MYO1E: variants seen among roughly 807,000 people sequenced by gnomAD.
The protein encoded by MYO1E is unconventional myosin-Ie.
Under a neutral mutation model 151.1 loss-of-function variants are expected in MYO1E, and 68 were observed. The observed-to-expected ratio is 0.45, with a 90% CI of 0.37 to 0.55. MYO1E has a LOEUF of 0.55. Ranked by LOEUF, MYO1E falls within the 20% of genes least tolerant of loss-of-function variation. The pLI is 0.00. For synonymous variants in MYO1E, 601 were observed against 501.7 expected (o/e 1.20, Z -2.64); for missense variants, 1,363 against 1,389.3 (o/e 0.98, Z 0.30).
At chr15:59,228,045 G>A (rs2080002680) in intron 6 of MYO1E, among the ~76,000 whole-genome samples, 1 of 152,162 alleles carries the variant, frequency 6.6e-6, no homozygotes, top group Admixed American at 6.5e-5. Context: ...TTTATTAAAA[G>A]TAAAGTTCTT....
At chr15:59,204,838 C>T (rs770081997) in intron 15 of MYO1E, among the ~76,000 whole-genome samples, 1 of 152,170 alleles carries the variant, frequency 6.6e-6, no homozygotes, top group Non-Finnish European at 1.5e-5. Flanking sequence ...TGAAGAAGAG[C>T]TCAGGGGCAA....
chr15:59,198,598 T>C (rs530614335), intron 16 of MYO1E, among the ~76,000 whole-genome samples: 114 of 152,120 alleles, frequency 7.5e-4, no homozygotes, highest in Non-Finnish European at 1.4e-3. Context: ...GGCGGATCAA[T>C]TGAAGTCAGG....
At chr15:59,346,392 GA>G (rs1255818639) in intron 1 of MYO1E, among the ~76,000 whole-genome samples, 10 of 152,248 alleles carry the variant, frequency 6.6e-5, no homozygotes, top group African/African-American at 2.4e-4. Flanking sequence ...GACACTTGAG[GA>G]GAACCTGTTT....
chr15:59,160,056 A>C (rs1209997915), intron 24 of MYO1E, among the ~76,000 whole-genome samples: 4 of 152,096 alleles, frequency 2.6e-5, no homozygotes, highest in Non-Finnish European at 5.9e-5. Flanking sequence ...GGCTGGTCTC[A>C]AACTCCTGAC....
Position 59,157,393 on chromosome 15 carries a change from G to A in MYO1E, c.2878+894C>T, listed in dbSNP as rs115616860. On this transcript the variant is annotated intron_variant, in intron 25 of 27. Coordinates refer to ENST00000288235, the MANE Select transcript of MYO1E (RefSeq NM_004998.4). ...TTAAGCTGCTATAACTTACAAAATAGTAGCCCCCTCCCCTCCTTATCCATG... is the reference window on the plus strand; with the variant it reads ...TTAAGCTGCTATAACTTACAAAATAATAGCCCCCTCCCCTCCTTATCCATG... 8.3e-3 allele frequency among the ~76,000 whole-genome samples: 1,262 copies of A among 152,160 alleles called. 21 individuals carry two copies. Among genetic ancestry groups the A allele is most frequent in the African/African-American group, 0.029 (1,205 of 41,494 alleles).
chr15:59,353,539 C>T (rs2080836680), intron 1 of MYO1E, among the ~76,000 whole-genome samples: 2 of 151,530 alleles, frequency 1.3e-5, no homozygotes, highest in African/African-American at 4.8e-5. Flanking sequence ...GGTGGATTAC[C>T]TGAGGTCAGG....
rs1160411970 is a variant in MYO1E, at chr15:59,136,377, CTTTA to C, written c.*999_*1002del. 2.4e-5 allele frequency: 4 copies of C among 168,934 alleles called. No individual in the cohort carries two copies. Among genetic ancestry groups the C allele is most frequent in the Non-Finnish European group, 5.2e-5 (4 of 76,972 alleles). 10.5% of individuals were successfully genotyped at this position (168,934 alleles called of 1,614,324 possible). A position where few individuals can be genotyped will look rare whatever the true frequency, so the allele number is the denominator to read the frequency against. On this transcript the variant is annotated 3_prime_UTR_variant, in exon 28 of 28. Transcript: ENST00000288235. ...AAAAGAAGAAGGTGTTCGCCGATTC[CTTTA>C]TTTATTTAGGAGGTGGGGGCAGGAC...
At chr15:59,236,411 CACACACACAA>C (rs1483316841) in intron 5 of MYO1E, among the ~76,000 whole-genome samples, 164 bp downstream of exon 5, 28 of 140,398 alleles carry the variant, frequency 2.0e-4, no homozygotes, top group African/African-American at 4.2e-4. Context: ...CACACACACA[CACACACACAA>C]ACACACATAC....
chr15:59,268,720 A>ATTGTTTTTTTTTTTTTTTTTTTTT (rs2080271323), intron 2 of MYO1E, among the ~76,000 whole-genome samples: 4 of 44,906 alleles, frequency 8.9e-5, no homozygotes, highest in Non-Finnish European at 2.0e-4. Context: ...TGACTTTGGT[A>ATTGTTTTTTTTTTTTTTTTTTTTT]TTTTTTTTTT....
At chr15:59,266,262 G>C (rs561832308) in intron 2 of MYO1E, among the ~76,000 whole-genome samples, 50 of 152,110 alleles carry the variant, frequency 3.3e-4, no homozygotes, top group African/African-American at 1.2e-3. Context: ...AAAGCCGTTC[G>C]GATCATTGTC....
chr15:59,356,005 C>T (rs954866096), intron 1 of MYO1E, among the ~76,000 whole-genome samples: 1 of 152,200 alleles, frequency 6.6e-6, no homozygotes, highest in Non-Finnish European at 1.5e-5. Context: ...AAGTGTGAGC[C>T]ACCACGCTCA....
chr15:59,243,328 G>GAAAAAT (rs2080111163), intron 4 of MYO1E, among the ~76,000 whole-genome samples: 1 of 152,102 alleles, frequency 6.6e-6, no homozygotes, highest in Non-Finnish European at 1.5e-5. Flanking sequence ...CTGAAATATT[G>GAAAAAT]TGGCTATGAT....
chr15:59,268,720 A>ATTGTTTTTTTTTTTTTTTTTTTTTT (rs2080271323), intron 2 of MYO1E, among the ~76,000 whole-genome samples: 2 of 44,906 alleles, frequency 4.5e-5, no homozygotes, highest in Non-Finnish European at 9.8e-5. Flanking sequence ...TGACTTTGGT[A>ATTGTTTTTTTTTTTTTTTTTTTTTT]TTTTTTTTTT....
chr15:59,180,942 G>A (rs542518384), intron 18 of MYO1E, among the ~76,000 whole-genome samples: 25 of 152,292 alleles, frequency 1.6e-4, no homozygotes, highest in South Asian at 1.0e-3. Context: ...CTTTGTGCCA[G>A]CTCCTCTTTC....
At chr15:59,250,561 T>C (rs1385397615) in intron 4 of MYO1E, among the ~76,000 whole-genome samples, 1 of 152,080 alleles carries the variant, frequency 6.6e-6, no homozygotes, top group Non-Finnish European at 1.5e-5. Flanking sequence ...AGAACGAAAC[T>C]GTAATCCTAA....
chr15:59,257,312 A>G (rs79509898), intron 3 of MYO1E, among the ~76,000 whole-genome samples: 3,243 of 152,146 alleles, frequency 0.021, 118 homozygotes, highest in African/African-American at 0.074. Flanking sequence ...CACACACACA[A>G]ATTTAATTAG....
chr15:59,262,473 A>G (rs1380304374), intron 2 of MYO1E, among the ~76,000 whole-genome samples: 1 of 151,892 alleles, frequency 6.6e-6, no homozygotes, highest in Non-Finnish European at 1.5e-5. Flanking sequence ...AACAAAAACA[A>G]AAACATTAGC....
chr15:59,359,169 T>C (rs574401288), intron 1 of MYO1E, among the ~76,000 whole-genome samples: 1 of 151,900 alleles, frequency 6.6e-6, no homozygotes, highest in South Asian at 2.1e-4. Flanking sequence ...CTGTCACCTA[T>C]AATCCCAGCA....
At chr15:59,288,620 T>C (rs61013714) in intron 1 of MYO1E, among the ~76,000 whole-genome samples, 6,598 of 152,276 alleles carry the variant, frequency 0.043, 406 homozygotes, top group African/African-American at 0.14. Flanking sequence ...ATAGCTCTGA[T>C]TGGATGTATG....
Sources: gnomAD v4.1 joint callset for allele counts (sites outside exome capture counted in the v4.1 genomes callset) on GRCh38, gnomAD v4.1.1 for gene constraint, MANE v1.5 for transcripts, NCBI Gene and HGNC (gene_info 2026-07-23, HGNC 2026-07-21) for gene names.